Variants in SETBP1 observed in about 807,000 individuals in gnomAD.
The protein encoded by SETBP1 is SET binding protein 1.
SETBP1 carries 9 observed loss-of-function variants against 101.0 expected under a neutral mutation model. The ratio of observed to expected loss-of-function variants is 0.09; its 90% CI spans 0.05 to 0.16. The LOEUF is 0.16. SETBP1 is among the 10% of genes least tolerant of loss of function. SETBP1 has a pLI of 1.00. For missense variants in SETBP1, 1,858 were observed against 2,033.8 expected (o/e 0.91, Z 1.66); for synonymous variants, 818 against 788.5 (o/e 1.04, Z -0.63).
At chr18:45,031,136 C>T (rs1488143818) in intron 4 of SETBP1, among the ~76,000 whole-genome samples, 1 of 152,082 alleles carries the variant, frequency 6.6e-6, no homozygotes, top group African/African-American at 2.4e-5. Context: ...CCTGCTTTCT[C>T]TTGCCCTGTT....
chr18:44,848,223 G>A (rs148991939), intron 2 of SETBP1, among the ~76,000 whole-genome samples: 134 of 152,310 alleles, frequency 8.8e-4, no homozygotes, highest in African/African-American at 3.0e-3. Flanking sequence ...CGATGCAGGG[G>A]TGGGAAAGAT....
chr18:44,712,090 C>A (rs935763326), intron 2 of SETBP1, among the ~76,000 whole-genome samples: 1 of 152,238 alleles, frequency 6.6e-6, no homozygotes, highest in African/African-American at 2.4e-5. Context: ...CACCTCAGTA[C>A]CTGGCCTGTG....
intron 2 of SETBP1, among the ~76,000 whole-genome samples, chr18:44,761,475 C>A (rs921412819): frequency 6.6e-5 from 10 of 152,182 alleles, no homozygotes; most frequent in Admixed American, 4.6e-4. Context: ...TGAGGGTTAG[C>A]AAGCTTACAA....
chr18:44,906,932 T>G (rs1414038913), intron 3 of SETBP1, among the ~76,000 whole-genome samples: 10 of 152,240 alleles, frequency 6.6e-5, no homozygotes, highest in Admixed American at 6.5e-4. Context: ...TTAGTATATT[T>G]GCAGATTTGT....
chr18:45,035,734 G>A (rs893665798), intron 4 of SETBP1, among the ~76,000 whole-genome samples: 3 of 152,212 alleles, frequency 2.0e-5, no homozygotes, highest in Non-Finnish European at 4.4e-5. Context: ...AGTTTTTCCA[G>A]AGGAGCTGTT....
intron 4 of SETBP1, among the ~76,000 whole-genome samples, chr18:45,009,193 C>T (rs1391984691): frequency 6.6e-6 from 1 of 152,076 alleles, no homozygotes; most frequent in Admixed American, 6.6e-5. Flanking sequence ...GCCAACCTCA[C>T]AAAATGCTTT....
chr18:44,812,357 A>G (rs1018659607), intron 2 of SETBP1, among the ~76,000 whole-genome samples: 25 of 152,160 alleles, frequency 1.6e-4, no homozygotes, highest in African/African-American at 5.8e-4. Flanking sequence ...CCCTTTGGCC[A>G]TCTATGATTT....
At chr18:44,979,927 T>G (rs2072074455) in intron 4 of SETBP1, among the ~76,000 whole-genome samples, 1 of 152,248 alleles carries the variant, frequency 6.6e-6, no homozygotes, top group Non-Finnish European at 1.5e-5. Context: ...GTTCATGTGT[T>G]TGAAAACCCA....
At chr18:44,698,831 C>G (rs150984914) in intron 1 of SETBP1, among the ~76,000 whole-genome samples, 1 of 152,246 alleles carries the variant, frequency 6.6e-6, no homozygotes, top group East Asian at 1.9e-4. Flanking sequence ...GATTTGAGAA[C>G]AGAAAAAAAT....
chr18:44,909,555 A>G (rs1360687939), intron 3 of SETBP1, among the ~76,000 whole-genome samples: 1 of 152,232 alleles, frequency 6.6e-6, no homozygotes, highest in Non-Finnish European at 1.5e-5. Context: ...AGTCTAAAGC[A>G]GAAAGCAATC....
intron 1 of SETBP1, among the ~76,000 whole-genome samples, chr18:44,692,174 T>G (rs1308246719): frequency 6.6e-6 from 1 of 152,194 alleles, no homozygotes; most frequent in African/African-American, 2.4e-5. Context: ...TGGCACTTAG[T>G]CAAATGCTAG....
intron 3 of SETBP1, among the ~76,000 whole-genome samples, chr18:44,914,041 C>G (rs2070373428): frequency 6.6e-6 from 1 of 152,144 alleles, no homozygotes; most frequent in Non-Finnish European, 1.5e-5. Context: ...CGGCTTTTGT[C>G]CTTAGCTGGG....
chr18:44,951,398 C>T lies in SETBP1; in HGVS notation c.2058C>T (p.Ser686=). Residue 686 remains serine, a synonymous_variant, in exon 4 of 6, where the codon AGC becomes AGT. Transcript: ENST00000649279. This position sits in a 1 kb window ranked among gnomAD's most constrained non-coding sequence, Gnocchi z 7.8. ...NILNQILSCS[S]SVALKAKAPP... is the part of the protein sequence containing the mutation. ...TGAATCAGATCTTGTCCTGTTCCAG[C>T]AGCGTTGCTCTGAAGGCAAAAGCTC... is the stretch of plus-strand genomic sequence containing the variant. The T allele has an allele frequency of 6.2e-7, 1 of 1,614,174 alleles. No homozygotes were observed. The highest frequency in any genetic ancestry group is 8.5e-7 in the Non-Finnish European group (1 of 1,180,044).
chr18:45,056,255 G>C (rs1258888503), intron 5 of SETBP1, among the ~76,000 whole-genome samples: 1 of 152,118 alleles, frequency 6.6e-6, no homozygotes, highest in Non-Finnish European at 1.5e-5. Context: ...TTTTTCTGTT[G>C]AAAAGTCTTG....
At chr18:44,895,731 G>T (rs1196225797) in intron 3 of SETBP1, among the ~76,000 whole-genome samples, 1 of 152,042 alleles carries the variant, frequency 6.6e-6, no homozygotes, top group African/African-American at 2.4e-5. Flanking sequence ...ATTTTAGGAT[G>T]ACTTATTAAC....
chr18:44,777,936 C>G (rs540600745), intron 2 of SETBP1, among the ~76,000 whole-genome samples: 2 of 152,236 alleles, frequency 1.3e-5, no homozygotes, highest in African/African-American at 4.8e-5. Flanking sequence ...CTTCCCATTT[C>G]TGAACCCGAC....
intron 2 of SETBP1, among the ~76,000 whole-genome samples, chr18:44,801,783 T>C (rs76713205): frequency 1.3e-5 from 2 of 151,918 alleles, no homozygotes; most frequent in East Asian, 3.9e-4. Context: ...TTTTTTTTTT[T>C]GTAATTTCTT....
At position 44,701,537 on chromosome 18, in the gene SETBP1, G is replaced by A. The variant is rs1486940365; in HGVS notation, c.191G>A (p.Gly64Asp). 1.2e-6 allele frequency: 2 copies of A among 1,614,136 alleles called. No individual in the cohort carries two copies. The highest frequency in any genetic ancestry group is 3.3e-5 in the Admixed American group (2 of 60,028). Reference sequence around the variant, plus strand: ...GAGCCAGAGGAGGAGGATGAACTAGGCTCAGGGCGGGATGTGGATTCCAAC... The same window carrying A: ...GAGCCAGAGGAGGAGGATGAACTAGACTCAGGGCGGGATGTGGATTCCAAC... ...RMEPEEEDEL[G>D]SGRDVDSNSN... The change falls in exon 2 of 6, where the codon GGC becomes GAC. Residue 64 changes from glycine to aspartate, a missense_variant. By Grantham distance (94) the Gly-to-Asp change is moderately conservative. Around this residue, in one of 12 missense-constraint regions of SETBP1, gnomAD observed 97 missense variants for 101.2 expected, o/e 0.96. Transcript: ENST00000649279.
chr18:45,018,923 AG>A (rs768313747), intron 4 of SETBP1, among the ~76,000 whole-genome samples: 10 of 152,336 alleles, frequency 6.6e-5, no homozygotes, highest in Admixed American at 2.6e-4. Flanking sequence ...ATGAGCAGGA[AG>A]GAACCTAGGA....
Sources: gnomAD v4.1 joint callset for allele counts (sites outside exome capture counted in the v4.1 genomes callset) on GRCh38, gnomAD v4.1.1 for gene constraint, gnomAD v4.1.1 regional missense constraint, Gnocchi (gnomAD v3.1) non-coding constraint, MANE v1.5 for transcripts, NCBI Gene and HGNC (gene_info 2026-07-23, HGNC 2026-07-21) for gene names.